SGIP1: variants seen among roughly 807,000 people sequenced by gnomAD.
The protein encoded by SGIP1 is SH3-containing GRB2-like protein 3-interacting protein 1.
In SGIP1, 38 loss-of-function variants were observed where a neutral mutation model predicts 107.5. The ratio of observed to expected loss-of-function variants is 0.35; its 90% confidence interval spans 0.27 to 0.46. The LOEUF (loss-of-function observed/expected upper bound fraction) is 0.46, where lower values mean the gene tolerates loss of function less well. Ranked by LOEUF, SGIP1 falls within the 20% of genes least tolerant of loss-of-function variation. The pLI, the probability that SGIP1 is intolerant of heterozygous loss-of-function variation, is 1.00. For missense variants in SGIP1, 929 were observed against 1,019.5 expected (o/e 0.91, Z 1.21); for synonymous variants, 365 against 366.1 (o/e 1.00, Z 0.03).
chr1:66,637,088 C>T (rs933037298), intron 4 of SGIP1, among the ~76,000 whole-genome samples: 9 of 151,982 alleles, frequency 5.9e-5, no homozygotes, highest in Non-Finnish European at 5.9e-5. Context: ...AATTACAATT[C>T]CAAGAGAAAA....
chr1:66,577,113 C>T (rs1300044635), intron 1 of SGIP1, among the ~76,000 whole-genome samples: 1 of 152,136 alleles, frequency 6.6e-6, no homozygotes, highest in Non-Finnish European at 1.5e-5. Flanking sequence ...GTATTTTGCC[C>T]CAGATGAAGT....
intron 1 of SGIP1, among the ~76,000 whole-genome samples, chr1:66,608,783 G>A (rs1036160867): frequency 1.3e-5 from 2 of 152,202 alleles, no homozygotes; most frequent in Non-Finnish European, 2.9e-5. Context: ...GAGTGAGAGT[G>A]TGAGGGTCTC....
intron 14 of SGIP1, among the ~76,000 whole-genome samples, chr1:66,681,629 C>T (rs1237356090): frequency 6.6e-6 from 1 of 152,184 alleles, no homozygotes; most frequent in Admixed American, 6.5e-5. Flanking sequence ...AAGTAGCTAG[C>T]TGTGCTCAGC....
At chr1:66,643,875 T>C (rs1558185434) in intron 7 of SGIP1, 156 bp downstream of exon 7, 1 of 578,842 alleles carries the variant, frequency 1.7e-6, no homozygotes, top group East Asian at 3.3e-5. Context: ...CATTCTAGCT[T>C]GAGAAAATTG....
intron 19 of SGIP1, among the ~76,000 whole-genome samples, chr1:66,722,377 C>G (rs1278736096): frequency 6.6e-6 from 1 of 152,194 alleles, no homozygotes; most frequent in Non-Finnish European, 1.5e-5. Context: ...TAGCCCTTCT[C>G]TCTAACATCT....
rs188316977 is a variant in SGIP1, at chr1:66,629,364, T to C, written c.74+3454T>C. Among the ~76,000 whole-genome samples, 13 of 152,344 alleles carry C rather than the reference T, an allele frequency of 8.5e-5. No homozygotes were observed. The East Asian group carries it at 2.1e-3, about 25-fold the overall frequency. On this transcript the variant is annotated intron_variant, in intron 2 of 24. Transcript: ENST00000371037. ...ACATATGTTGCGCTGATATCTTTTT[T>C]AGTCTTCCTAGTAATTAAATAAGGT...
At chr1:66,550,862 C>G (rs1292745867) in intron 1 of SGIP1, among the ~76,000 whole-genome samples, 1 of 152,100 alleles carries the variant, frequency 6.6e-6, no homozygotes, top group Non-Finnish European at 1.5e-5. Flanking sequence ...TGACCATAGA[C>G]TTGAACACTG....
At chr1:66,676,406 T>C (rs1301440794) in intron 12 of SGIP1, among the ~76,000 whole-genome samples, 2 of 152,372 alleles carry the variant, frequency 1.3e-5, no homozygotes, top group East Asian at 3.9e-4. Flanking sequence ...TTAAATTCAG[T>C]GTCCTTAGGC....
At chr1:66,651,567 G>A (rs2078752801) in intron 7 of SGIP1, among the ~76,000 whole-genome samples, 1 of 152,106 alleles carries the variant, frequency 6.6e-6, no homozygotes, top group South Asian at 2.1e-4. Flanking sequence ...TAAACTCTTT[G>A]AAGGATATCG....
intron 20 of SGIP1, among the ~76,000 whole-genome samples, chr1:66,729,891 T>A (rs535905614): frequency 6.6e-6 from 1 of 152,346 alleles, no homozygotes; most frequent in Non-Finnish European, 1.5e-5. Context: ...AACCTCCGCC[T>A]CCTGGGTTCA....
intron 1 of SGIP1, among the ~76,000 whole-genome samples, chr1:66,618,844 C>T (rs969587340): frequency 2.0e-5 from 3 of 152,124 alleles, no homozygotes; most frequent in Admixed American, 2.0e-4. Flanking sequence ...TAGCACGGTA[C>T]CTCTTAGACT....
chr1:66,653,889 G>A (rs1248516781), intron 7 of SGIP1, among the ~76,000 whole-genome samples: 1 of 152,200 alleles, frequency 6.6e-6, no homozygotes, highest in African/African-American at 2.4e-5. Context: ...GGTAGAATGT[G>A]CTCTGTAAAG....
At chr1:66,644,707 GA>G (rs1239225071) in intron 7 of SGIP1, among the ~76,000 whole-genome samples, 6 of 152,242 alleles carry the variant, frequency 3.9e-5, no homozygotes, top group African/African-American at 1.2e-4. Flanking sequence ...GCCTCCCTGG[GA>G]TGAAAAGTGT....
chr1:66,719,057 CTG>C (rs2093393704), intron 18 of SGIP1, among the ~76,000 whole-genome samples: 1 of 152,058 alleles, frequency 6.6e-6, no homozygotes, highest in Admixed American at 6.6e-5. Context: ...ATTTTCTTCT[CTG>C]TAGCAAAATA....
intron 1 of SGIP1, among the ~76,000 whole-genome samples, chr1:66,592,860 CTTCCTTCCTTTCT>C (rs140884452): frequency 0.031 from 4,447 of 144,174 alleles, 311 homozygotes; most frequent in African/African-American, 0.11. Flanking sequence ...CTTGCCTTTC[CTTCCTTCCTTTCT>C]TTCCTTCTTT....
intron 5 of SGIP1, among the ~76,000 whole-genome samples, chr1:66,642,132 C>A (rs1382863297): frequency 1.3e-5 from 2 of 152,202 alleles, no homozygotes; most frequent in Non-Finnish European, 2.9e-5. Context: ...GCAGTAGCTA[C>A]CTCAAGTCCA....
At chr1:66,695,261 A>AAAAAAAAAAAT in intron 17 of SGIP1, 173 bp from the exon 18 acceptor site, 2 of 1,297,214 alleles carry the variant, frequency 1.5e-6, no homozygotes, top group Admixed American at 6.2e-5. Flanking sequence ...GAACTAAAAA[A>AAAAAAAAAAAT]AAAAAAAAAA....
intron 2 of SGIP1, among the ~76,000 whole-genome samples, chr1:66,631,092 AAAGAAAG>A (rs1405376132): frequency 1.2e-4 from 17 of 141,864 alleles, no homozygotes; most frequent in African/African-American, 3.7e-4. Flanking sequence ...AGAAAGAAAG[AAAGAAAG>A]AAAAAAAGAA....
intron 1 of SGIP1, among the ~76,000 whole-genome samples, chr1:66,542,587 C>G (rs1186305583): frequency 2.6e-5 from 4 of 152,122 alleles, no homozygotes. Context: ...GGACAAAGGA[C>G]TGATTCGTGT....
Sources: allele counts gnomAD v4.1 joint callset (sites outside exome capture counted in the v4.1 genomes callset), GRCh38; gene constraint gnomAD v4.1.1; transcripts MANE v1.5; gene names NCBI Gene and HGNC (gene_info 2026-07-23, HGNC 2026-07-21).